MKLN1: variants seen among roughly 807,000 people sequenced by gnomAD.
MKLN1 encodes the protein muskelin.
Under a neutral mutation model 99.0 loss-of-function variants are expected in MKLN1, and 18 were observed. The ratio of observed to expected loss-of-function variants is 0.18; its 90% CI spans 0.13 to 0.27. MKLN1 has a LOEUF of 0.27. Ranked by LOEUF, MKLN1 falls within the 10% of genes least tolerant of loss-of-function variation. The probability of loss-of-function intolerance (pLI) is 1.00; values close to 1 mark genes in which losing one functional copy is unlikely to be tolerated. For missense variants in MKLN1, 621 were observed against 875.9 expected (o/e 0.71, Z 3.67); for synonymous variants, 288 against 293.2 (o/e 0.98, Z 0.18).
At chr7:131,398,196 T>C (rs904532997) in intron 5 of MKLN1, among the ~76,000 whole-genome samples, 1 of 152,204 alleles carries the variant, frequency 6.6e-6, no homozygotes, top group African/African-American at 2.4e-5. Flanking sequence ...AATAGTGGTA[T>C]ACTTAGGAAG....
At chr7:131,236,838 T>C (rs1274629056) in intron 3 of MKLN1, among the ~76,000 whole-genome samples, 2 of 151,884 alleles carry the variant, frequency 1.3e-5, no homozygotes, top group East Asian at 1.9e-4. Context: ...TATTTAAGAA[T>C]TAGCTGGGCA....
intron 9 of MKLN1, among the ~76,000 whole-genome samples, chr7:131,432,164 G>A (rs1327358511): frequency 1.3e-5 from 2 of 152,062 alleles, no homozygotes; most frequent in East Asian, 1.9e-4. Context: ...GGATGTGCAC[G>A]TTCTTACTCT....
At chr7:131,470,699 TC>T in intron 15 of MKLN1, 142 bp from the exon 16 acceptor site, 3 of 628,688 alleles carry the variant, frequency 4.8e-6, no homozygotes, top group Non-Finnish European at 8.4e-6. Context: ...TATTGTTAAT[TC>T]TGGATTCCTA....
intron 1 of MKLN1, among the ~76,000 whole-genome samples, chr7:131,122,507 C>A (rs1229872089): frequency 3.9e-5 from 6 of 152,168 alleles, no homozygotes; most frequent in Non-Finnish European, 5.9e-5. Context: ...GGGCAATTTG[C>A]TTTTCCTCGT....
chr7:131,344,562 C>T (rs762914884), intron 1 of MKLN1, among the ~76,000 whole-genome samples: 2 of 152,050 alleles, frequency 1.3e-5, no homozygotes, highest in African/African-American at 2.4e-5. Context: ...ACTGGGTATG[C>T]GGGCAAAAAT....
At position 131,489,593 on chromosome 7, in the gene MKLN1, A is replaced by T. The variant is rs1797372985; in HGVS notation, c.*1865A>T. 1 of 152,166 alleles carries T rather than the reference A, an allele frequency of 6.6e-6. No individual in the cohort carries two copies. Among genetic ancestry groups the T allele is most frequent in the African/African-American group, 2.4e-5 (1 of 41,458 alleles). The allele number at this position is 152,166 out of a possible 1,614,324, so 9.4% of individuals were successfully genotyped here. On this transcript the variant is annotated 3_prime_UTR_variant, in exon 18 of 18. Coordinates refer to ENST00000352689, the MANE Select transcript of MKLN1 (RefSeq NM_013255.5). ...GACAAGGAAGAACTTGAGCTTGCTA[A>T]ATAAGACTTCCTAAATTTAAAAGCT...
chr7:131,369,316 C>T (rs903033603), intron 1 of MKLN1, among the ~76,000 whole-genome samples: 4 of 152,106 alleles, frequency 2.6e-5, no homozygotes, highest in Admixed American at 2.6e-4. Flanking sequence ...TACATGTTTA[C>T]TTTCCATAAA....
At chr7:131,295,351 G>T (rs4731782) in intron 3 of MKLN1, among the ~76,000 whole-genome samples, 1 of 151,792 alleles carries the variant, frequency 6.6e-6, no homozygotes, top group African/African-American at 2.4e-5. Flanking sequence ...AAACCAAAAA[G>T]ATAAATGCTG....
chr7:131,403,816 G>T (rs1794622240), intron 6 of MKLN1, among the ~76,000 whole-genome samples: 1 of 152,108 alleles, frequency 6.6e-6, no homozygotes, highest in Non-Finnish European at 1.5e-5. Flanking sequence ...ATAGGTCACT[G>T]TAACAGATAT....
At chr7:131,153,117 A>T (rs946157222) in intron 2 of MKLN1, among the ~76,000 whole-genome samples, 2 of 148,230 alleles carry the variant, frequency 1.3e-5, no homozygotes, top group Non-Finnish European at 3.0e-5. Flanking sequence ...TTCTTTTGTG[A>T]TGTTACCTAG....
At chr7:131,480,121 GATAACTT>G (rs962317137) in intron 17 of MKLN1, among the ~76,000 whole-genome samples, 7 of 151,564 alleles carry the variant, frequency 4.6e-5, no homozygotes, top group Non-Finnish European at 7.4e-5. Context: ...TTTTCATCAG[GATAACTT>G]ATGATAGCTT....
chr7:131,218,948 C>CTAATTTATGAGTGTG (rs1797023789), intron 3 of MKLN1, among the ~76,000 whole-genome samples: 1 of 152,118 alleles, frequency 6.6e-6, no homozygotes, highest in Non-Finnish European at 1.5e-5. Context: ...CTTTCAGACT[C>CTAATTTATGAGTGTG]ATTTATGAGA....
chr7:131,385,004 C>CA (rs1486741425), intron 2 of MKLN1, among the ~76,000 whole-genome samples: 2 of 152,192 alleles, frequency 1.3e-5, no homozygotes, highest in African/African-American at 4.8e-5. Flanking sequence ...TCATTGTCCA[C>CA]AAAGAAACTT....
At chr7:131,325,134 CT>C (rs888291206), upstream of MKLN1, among the ~76,000 whole-genome samples, 3 of 151,860 alleles carry the variant, frequency 2.0e-5, no homozygotes, top group Non-Finnish European at 4.4e-5. Context: ...TACTGAACAT[CT>C]TTATTTGCTA....
chr7:131,222,737 C>T (rs187183636), intron 3 of MKLN1, among the ~76,000 whole-genome samples: 1 of 152,116 alleles, frequency 6.6e-6, no homozygotes, highest in East Asian at 1.9e-4. Flanking sequence ...CAATTTCAGG[C>T]CGGGTACAGT....
At chr7:131,114,238 A>T (rs955315677) in intron 1 of MKLN1, among the ~76,000 whole-genome samples, 1 of 152,190 alleles carries the variant, frequency 6.6e-6, no homozygotes, top group African/African-American at 2.4e-5. Flanking sequence ...TATCCTGCAG[A>T]TATATCCTGA....
intron 8 of MKLN1, among the ~76,000 whole-genome samples, chr7:131,416,328 A>G (rs1316569364): frequency 8.5e-5 from 13 of 152,190 alleles, no homozygotes; most frequent in Admixed American, 7.2e-4. Flanking sequence ...GGTAAAGTAC[A>G]TGTGTAAGAA....
chr7:131,322,731 C>T (rs1326433460), intron 3 of MKLN1, among the ~76,000 whole-genome samples: 14 of 151,506 alleles, frequency 9.2e-5, no homozygotes, highest in Admixed American at 7.2e-4. Context: ...CCACCGCGCC[C>T]GGCTAATTTT....
At chr7:131,164,062 A>C (rs1796090519) in intron 2 of MKLN1, among the ~76,000 whole-genome samples, 1 of 152,186 alleles carries the variant, frequency 6.6e-6, no homozygotes. Flanking sequence ...AGGGGCTAAA[A>C]ATGTTGCTAA....
Sources: allele counts gnomAD v4.1 joint callset (sites outside exome capture counted in the v4.1 genomes callset), GRCh38; gene constraint gnomAD v4.1.1; transcripts MANE v1.5; gene names NCBI Gene and HGNC (gene_info 2026-07-23, HGNC 2026-07-21).